Variants in TSHZ2 observed in about 807,000 individuals in gnomAD.
The protein encoded by TSHZ2 is teashirt zinc finger homeobox 2, also known as teashirt homolog 2.
In TSHZ2, 21 loss-of-function variants were observed where a neutral mutation model predicts 74.4. That is an observed-to-expected ratio of 0.28 (90% CI 0.20 to 0.41). The LOEUF (loss-of-function observed/expected upper bound fraction) is 0.41. TSHZ2 is among the 10% of genes least tolerant of loss of function. The pLI is 1.00. For synonymous variants in TSHZ2, 540 were observed against 515.3 expected, an observed-to-expected ratio of 1.05 and a Z score of -0.65; for missense variants, 1,244 against 1,293.5, an observed-to-expected ratio of 0.96 and a Z score of 0.59.
rs569651852 is a variant in TSHZ2, at chr20:53,121,542, G to A, written c.41-131957G>A. Reference sequence around the variant, plus strand: ...AAACTGAAGACTCATAGCCTCTGGAGGGAGGAACTGCTCTCAACTCCTGTT... The same window carrying A: ...AAACTGAAGACTCATAGCCTCTGGAAGGAGGAACTGCTCTCAACTCCTGTT... On this transcript the variant is annotated intron_variant, in intron 1 of 2. Coordinates refer to ENST00000371497, the MANE Select transcript of TSHZ2 (RefSeq NM_173485.6). 2.6e-5 allele frequency among the ~76,000 whole-genome samples: 4 copies of A among 152,310 alleles called. No individual in the cohort carries two copies. In the East Asian group the frequency reaches 5.8e-4, roughly 22 times the overall value.
chr20:53,395,820 T>C (rs1205817621), intron 2 of TSHZ2, among the ~76,000 whole-genome samples: 3 of 152,214 alleles, frequency 2.0e-5, no homozygotes, highest in Non-Finnish European at 4.4e-5. Context: ...ACTTCACTGG[T>C]CAACCTATGG....
At chr20:53,154,379 A>G (rs1425312917) in intron 1 of TSHZ2, among the ~76,000 whole-genome samples, 1 of 152,178 alleles carries the variant, frequency 6.6e-6, no homozygotes, top group Non-Finnish European at 1.5e-5. Flanking sequence ...CATGAACAAA[A>G]TTTGTTTCAG....
At position 53,461,112 on chromosome 20, in the gene TSHZ2, G is replaced by T. The variant is rs1318488833; in HGVS notation, c.*9-26032G>T. 2.0e-5 allele frequency among the ~76,000 whole-genome samples: 3 copies of T among 152,096 alleles called. No individual in the cohort carries two copies. The South Asian group carries it at 6.2e-4, about 32-fold the overall frequency. On this transcript the variant is annotated intron_variant, in intron 2 of 2. Transcript: ENST00000371497. ...CTGCTTTGTTTACCTAAGCAAGCCT[G>T]GGCAATGGCGGGCGCCCCTCCCCCA...
chr20:53,195,257 G>GA (rs1415454839), intron 1 of TSHZ2, among the ~76,000 whole-genome samples: 2 of 151,840 alleles, frequency 1.3e-5, no homozygotes, highest in South Asian at 2.1e-4. Flanking sequence ...GGTCATTAAT[G>GA]AAAAAATAAA....
chr20:53,106,448 A>C (rs1438355059), intron 1 of TSHZ2, among the ~76,000 whole-genome samples: 1 of 112,112 alleles, frequency 8.9e-6, no homozygotes, highest in African/African-American at 3.6e-5. Flanking sequence ...TCTGTCTCCC[A>C]AGCTGGAGTG....
At chr20:53,408,169 T>C (rs932677682) in intron 2 of TSHZ2, among the ~76,000 whole-genome samples, 5 of 152,194 alleles carry the variant, frequency 3.3e-5, no homozygotes, top group African/African-American at 9.7e-5. Flanking sequence ...GTGGCCAGTC[T>C]CCAGAATGCC....
intron 1 of TSHZ2, among the ~76,000 whole-genome samples, chr20:53,007,607 TTGTG>T (rs146865975): frequency 4.5e-4 from 67 of 150,012 alleles, no homozygotes; most frequent in African/African-American, 1.5e-3. Flanking sequence ...AAATGTGTGT[TTGTG>T]TGTGTGTGTG....
intron 2 of TSHZ2, among the ~76,000 whole-genome samples, chr20:53,384,029 T>C (rs1981956066): frequency 6.6e-6 from 1 of 152,144 alleles, no homozygotes; most frequent in African/African-American, 2.4e-5. Flanking sequence ...GGGCTCTGCA[T>C]TTCACCTTTT....
At chr20:53,181,133 T>C (rs1301547698) in intron 1 of TSHZ2, among the ~76,000 whole-genome samples, 1 of 152,240 alleles carries the variant, frequency 6.6e-6, no homozygotes, top group African/African-American at 2.4e-5. Flanking sequence ...CACTGTCATC[T>C]CCTGGAAGAA....
At chr20:53,192,808 A>C (rs193290046) in intron 1 of TSHZ2, among the ~76,000 whole-genome samples, 22 of 152,320 alleles carry the variant, frequency 1.4e-4, no homozygotes, top group African/African-American at 4.6e-4. Context: ...CCTGATTTTC[A>C]TCATTGGGCA....
chr20:53,059,264 G>A (rs1984742653), intron 1 of TSHZ2, among the ~76,000 whole-genome samples: 1 of 152,198 alleles, frequency 6.6e-6, no homozygotes, highest in Non-Finnish European at 1.5e-5. Context: ...CTAAGTAGAT[G>A]AACACAGTGA....
chr20:53,416,037 G>T (rs1218037286), intron 2 of TSHZ2, among the ~76,000 whole-genome samples: 4 of 152,198 alleles, frequency 2.6e-5, no homozygotes, highest in Non-Finnish European at 5.9e-5. Flanking sequence ...GTTTCAGTGG[G>T]GACTAACGCA....
chr20:53,037,855 C>T (rs1181833075), intron 1 of TSHZ2, among the ~76,000 whole-genome samples: 6 of 152,122 alleles, frequency 3.9e-5, no homozygotes, highest in East Asian at 1.9e-4. Flanking sequence ...ACCCTCTCTC[C>T]ACACCCAACT....
chr20:53,033,295 T>C (rs1486413475), intron 1 of TSHZ2, among the ~76,000 whole-genome samples: 1 of 152,204 alleles, frequency 6.6e-6, no homozygotes, highest in Admixed American at 6.5e-5. Flanking sequence ...ACATCATAAA[T>C]TGGGTTGGCT....
At chr20:53,184,622 G>A (rs1249882776) in intron 1 of TSHZ2, among the ~76,000 whole-genome samples, 1 of 152,146 alleles carries the variant, frequency 6.6e-6, no homozygotes, top group African/African-American at 2.4e-5. Context: ...ACACAAGACT[G>A]TAATAGACAT....
chr20:53,249,196 T>A (rs1990269563), intron 1 of TSHZ2, among the ~76,000 whole-genome samples: 1 of 152,212 alleles, frequency 6.6e-6, no homozygotes, highest in African/African-American at 2.4e-5. Flanking sequence ...AATTCACATC[T>A]ATCTACATGG....
At chr20:53,154,058 A>C (rs1171113426) in intron 1 of TSHZ2, among the ~76,000 whole-genome samples, 1 of 152,244 alleles carries the variant, frequency 6.6e-6, no homozygotes, top group Non-Finnish European at 1.5e-5. Context: ...GGCCAGCCCA[A>C]CTTAAGCAAT....
At chr20:53,444,684 G>A (rs999819055) in intron 2 of TSHZ2, among the ~76,000 whole-genome samples, 17 of 152,160 alleles carry the variant, frequency 1.1e-4, no homozygotes, top group African/African-American at 3.6e-4. Flanking sequence ...ATTCTAGCCC[G>A]GGAAGTTTCT....
chr20:53,002,646 A>G (rs1982482126), intron 1 of TSHZ2, among the ~76,000 whole-genome samples: 2 of 150,770 alleles, frequency 1.3e-5, no homozygotes, highest in Non-Finnish European at 3.0e-5. Context: ...TTTTATTTAT[A>G]AAAAATAAAT....
Sources: gnomAD v4.1 joint callset for allele counts (sites outside exome capture counted in the v4.1 genomes callset) on GRCh38, gnomAD v4.1.1 for gene constraint, MANE v1.5 for transcripts, NCBI Gene and HGNC (gene_info 2026-07-23, HGNC 2026-07-21) for gene names.